LY96: variants seen among roughly 807,000 people sequenced by gnomAD.
LY96 encodes the protein myeloid differentiation protein-2.
LY96 carries 18 observed loss-of-function variants against 18.9 expected under a neutral mutation model. That is an observed-to-expected ratio of 0.95 (90% CI 0.66 to 1.41). The LOEUF (loss-of-function observed/expected upper bound fraction) is 1.41. Ranked by LOEUF, LY96 falls within the 40% of genes most tolerant of loss-of-function variation. The pLI is 0.00. For synonymous variants in LY96, 66 were observed against 62.6 expected, an observed-to-expected ratio of 1.06 and a Z score of -0.26; for missense variants, 175 against 182.4, an observed-to-expected ratio of 0.96 and a Z score of 0.23.
the LY96 span, among the ~76,000 whole-genome samples, chr8:74,042,354 C>G: frequency 6.6e-6 from 1 of 152,108 alleles, no homozygotes; most frequent in Admixed American, 6.5e-5. Flanking sequence ...AACCCCATCT[C>G]TCTAAAAATA....
At chr8:74,038,391 C>T in the LY96 span, among the ~76,000 whole-genome samples, 1 of 152,162 alleles carries the variant, frequency 6.6e-6, no homozygotes, top group Non-Finnish European at 1.5e-5. Context: ...TCTCTATCTC[C>T]ATGAGTTCAG....
At chr8:74,089,454 T>C in the LY96 span, among the ~76,000 whole-genome samples, 1 of 152,040 alleles carries the variant, frequency 6.6e-6, no homozygotes, top group African/African-American at 2.4e-5. Flanking sequence ...CAAACATGCA[T>C]AGGACGAGCT....
At position 74,010,130 on chromosome 8, in the gene LY96, G is replaced by GT. The variant is rs754976792; in HGVS notation, c.331+2dup. 4 of 1,611,806 alleles carry GT rather than the reference G, an allele frequency of 2.5e-6. No homozygotes were observed. In the East Asian group the frequency reaches 8.9e-5, roughly 36 times the overall value. On this transcript the variant is annotated splice_donor_variant, in intron 3 of 4. Coordinates refer to ENST00000284818, the MANE Select transcript of LY96 (RefSeq NM_015364.5). LOFTEE classifies it high-confidence loss of function. ...TCTTTTTGCAGAGCTCTGAAGGGAG[G>GT]TAAGTATTCAGTTCATATTACTTTT...
chr8:74,032,753 G>A (rs1816992477), downstream of LY96, among the ~76,000 whole-genome samples: 2 of 152,164 alleles, frequency 1.3e-5, no homozygotes, highest in African/African-American at 4.8e-5. Context: ...AATTTTAAAT[G>A]CTACAGAATG....
chr8:74,076,608 A>G, the LY96 span, among the ~76,000 whole-genome samples: 1 of 152,056 alleles, frequency 6.6e-6, no homozygotes. Context: ...TACAGGCGTA[A>G]GTCACTGCGC....
At chr8:74,080,434 G>A in the LY96 span, among the ~76,000 whole-genome samples, 1 of 152,188 alleles carries the variant, frequency 6.6e-6, no homozygotes, top group Non-Finnish European at 1.5e-5. Context: ...TGAGTGTGGA[G>A]GTGCCAGGAA....
In LY96 at chr8:73,994,487, T is replaced by C. The variant is rs193261293; in HGVS notation, c.112+2933T>C. Among the ~76,000 whole-genome samples, 462 of 152,218 alleles carry C rather than the reference T, an allele frequency of 3.0e-3. 1 individual carries two copies. The highest frequency in any genetic ancestry group is 0.011 in the African/African-American group (445 of 41,542). ...CCATTTGGTCAAGCTGCTGGGCATC[T>C]AAGTGTATGTTTTTTTAAACACAGA... On this transcript the variant is annotated intron_variant, in intron 1 of 4. Transcript: ENST00000284818.
chr8:74,093,167 C>A, the LY96 span, among the ~76,000 whole-genome samples: 1 of 152,166 alleles, frequency 6.6e-6, no homozygotes, highest in Non-Finnish European at 1.5e-5. Context: ...ATTCAGTGAA[C>A]TCCTTCTGCA....
rs545659044 is a variant in LY96, at chr8:74,007,050, T to C, written c.202+2165T>C. ...AGAGTAGGGAGGAAGGAGAATTAAG[T>C]AGGATAATCCTCAGACCAGAATGCA... On this transcript the variant is annotated intron_variant, in intron 2 of 4. Transcript: ENST00000284818. Among the ~76,000 whole-genome samples, 131 of 152,268 alleles carry C rather than the reference T, an allele frequency of 8.6e-4. 2 individuals are homozygous for C. Among genetic ancestry groups the C allele is most frequent in the Middle Eastern group, 6.8e-3 (2 of 294 alleles).
chr8:74,051,655 C>G, the LY96 span, among the ~76,000 whole-genome samples: 2 of 152,022 alleles, frequency 1.3e-5, no homozygotes, highest in African/African-American at 4.8e-5. Flanking sequence ...GAGGGTGGAG[C>G]CTTTATGAAT....
chr8:74,008,270 T>G (rs1392623007), intron 2 of LY96, among the ~76,000 whole-genome samples: 1 of 152,212 alleles, frequency 6.6e-6, no homozygotes, highest in Non-Finnish European at 1.5e-5. Flanking sequence ...TTGCTGTGTT[T>G]CACGAAGAAA....
At chr8:74,081,087 CTCTTTCTT>C in the LY96 span, among the ~76,000 whole-genome samples, 954 of 93,024 alleles carry the variant, frequency 0.01, 15 homozygotes, top group African/African-American at 0.026. Flanking sequence ...TTCTCTTTCT[CTCTTTCTT>C]TCTTTCTTTC....
At chr8:74,081,109 C>CTT in the LY96 span, among the ~76,000 whole-genome samples, 2 of 135,556 alleles carry the variant, frequency 1.5e-5, no homozygotes, top group Non-Finnish European at 3.1e-5. Context: ...TTCTTTCTTT[C>CTT]TTTCTTTCTT....
At chr8:74,093,052 T>A in the LY96 span, among the ~76,000 whole-genome samples, 3 of 152,226 alleles carry the variant, frequency 2.0e-5, no homozygotes, top group African/African-American at 4.8e-5. Context: ...AGCCCATCAC[T>A]GTAGCCTACT....
the LY96 span, among the ~76,000 whole-genome samples, chr8:74,087,905 C>T: frequency 7.2e-5 from 11 of 152,120 alleles, no homozygotes; most frequent in Non-Finnish European, 1.3e-4. Flanking sequence ...CCTCTGAAAG[C>T]TTTTCCTTTC....
At chr8:74,069,037 T>C in the LY96 span, among the ~76,000 whole-genome samples, 7 of 152,172 alleles carry the variant, frequency 4.6e-5, no homozygotes, top group Non-Finnish European at 8.8e-5. Flanking sequence ...CTGCCTGCCT[T>C]GGCCTCCCAA....
chr8:74,003,808 T>C (rs1816350966), intron 1 of LY96, among the ~76,000 whole-genome samples: 3 of 152,244 alleles, frequency 2.0e-5, no homozygotes, highest in Non-Finnish European at 1.5e-5. Flanking sequence ...TGAGTCAGCC[T>C]AATACAGGAA....
the LY96 span, among the ~76,000 whole-genome samples, chr8:74,092,620 C>T: frequency 2.6e-5 from 4 of 152,174 alleles, no homozygotes; most frequent in Non-Finnish European, 5.9e-5. Context: ...CCCTCTCTTC[C>T]ACTCCTCCTA....
downstream of LY96, chr8:74,029,234 T>C: frequency 1.8e-6 from 1 of 561,464 alleles, no homozygotes; most frequent in South Asian, 2.3e-5. Flanking sequence ...CAGAGCCACC[T>C]GGGGAAGCAC....
Sources: allele counts gnomAD v4.1 joint callset (sites outside exome capture counted in the v4.1 genomes callset), GRCh38; gene constraint gnomAD v4.1.1; transcripts MANE v1.5; gene names NCBI Gene and HGNC (gene_info 2026-07-23, HGNC 2026-07-21).